The following GABRA3 variants were observed in gnomAD, a reference collection of about 807,000 sequenced individuals.
GABRA3 encodes the protein gamma-aminobutyric acid type A receptor subunit alpha3, also known as gamma-aminobutyric acid receptor subunit alpha-3.
A neutral mutation model predicts 30.1 loss-of-function variants in GABRA3; 10 were observed. The observed-to-expected ratio is 0.33, with a 90% CI of 0.20 to 0.56. The LOEUF is 0.56. Ranked by LOEUF, GABRA3 falls within the 20% of genes least tolerant of loss-of-function variation. The pLI, the probability that GABRA3 is intolerant of heterozygous loss-of-function variation, is 0.89. For synonymous variants in GABRA3, 151 were observed against 146.8 expected, an observed-to-expected ratio of 1.03 and a Z score of -0.21; for missense variants, 233 against 392.0, an observed-to-expected ratio of 0.59 and a Z score of 3.42.
chrX:152,354,331 G>A (rs1391765341), intron 2 of GABRA3, among the ~76,000 whole-genome samples: 1 of 111,290 alleles, frequency 9.0e-6, no homozygotes, highest in East Asian at 2.8e-4. Flanking sequence ...TAGCTATCAG[G>A]TCTGTTATAA....
chrX:152,195,955 G>A (rs913444215), intron 8 of GABRA3, among the ~76,000 whole-genome samples: 1 of 110,892 alleles, frequency 9.0e-6, no homozygotes, highest in African/African-American at 3.3e-5. Context: ...CCAAGACCAG[G>A]AGTCCATCTG....
chrX:152,415,125 C>A (rs1799829839), intron 1 of GABRA3, among the ~76,000 whole-genome samples: 1 of 110,859 alleles, frequency 9.0e-6, no homozygotes, highest in Admixed American at 9.7e-5. Context: ...CAGAACTGTG[C>A]AACACAGAGT....
At chrX:152,183,372 T>G (rs775566889) in intron 9 of GABRA3, among the ~76,000 whole-genome samples, 2 of 111,251 alleles carry the variant, frequency 1.8e-5, no homozygotes, top group African/African-American at 3.3e-5. Context: ...TCTGTTATGA[T>G]TCTTTGTTTT....
At chrX:152,174,581 A>G (rs887908185) in intron 9 of GABRA3, among the ~76,000 whole-genome samples, 5 of 111,962 alleles carry the variant, frequency 4.5e-5, no homozygotes, top group Non-Finnish European at 9.4e-5. Context: ...TGGCTGCATA[A>G]ATGTCTTCTT....
intron 1 of GABRA3, among the ~76,000 whole-genome samples, chrX:152,394,723 C>T (rs1440030499): frequency 8.9e-6 from 1 of 111,976 alleles, no homozygotes; most frequent in Non-Finnish European, 1.9e-5. Flanking sequence ...AGCACAAATT[C>T]ATTATGTATG....
chrX:152,311,708 G>A (rs998226968), intron 3 of GABRA3, among the ~76,000 whole-genome samples: 2 of 110,939 alleles, frequency 1.8e-5, no homozygotes, highest in East Asian at 2.8e-4. Flanking sequence ...TAGAGCAATC[G>A]GGCAAAAGAA....
intron 1 of GABRA3, among the ~76,000 whole-genome samples, chrX:152,365,239 C>T (rs772778843): frequency 3.6e-5 from 4 of 111,405 alleles, no homozygotes; most frequent in Non-Finnish European, 5.7e-5. Flanking sequence ...TGAGAAAATA[C>T]TGAATAATGA....
chrX:152,210,401 T>C (rs972752353), intron 6 of GABRA3, among the ~76,000 whole-genome samples: 2 of 112,018 alleles, frequency 1.8e-5, no homozygotes, highest in Non-Finnish European at 3.8e-5. Context: ...TGGGAGCTCT[T>C]AATTCTCTTG....
intron 5 of GABRA3, among the ~76,000 whole-genome samples, chrX:152,229,375 CCT>C (rs895878796): frequency 9.0e-6 from 1 of 110,806 alleles, no homozygotes. Flanking sequence ...CCTTTTTGGC[CCT>C]GCATCTGCAC....
At chrX:152,363,252 T>C (rs1928560415) in intron 2 of GABRA3, among the ~76,000 whole-genome samples, 1 of 112,016 alleles carries the variant, frequency 8.9e-6, no homozygotes, top group South Asian at 3.7e-4. Flanking sequence ...ACCTGTGTAG[T>C]ATTGTGGAAA....
intron 5 of GABRA3, among the ~76,000 whole-genome samples, chrX:152,225,612 A>G (rs902932386): frequency 2.7e-5 from 3 of 110,578 alleles, no homozygotes; most frequent in African/African-American, 6.6e-5. Flanking sequence ...GGTGTATGAC[A>G]TGTTTACATA....
intron 9 of GABRA3, among the ~76,000 whole-genome samples, chrX:152,173,284 G>T (rs1937027899): frequency 9.1e-6 from 1 of 110,054 alleles, no homozygotes; most frequent in South Asian, 3.9e-4. Context: ...GAATTTCTCA[G>T]GTCCAGATCA....
At chrX:152,292,317 G>A (rs1939435819) in intron 3 of GABRA3, among the ~76,000 whole-genome samples, 1 of 111,875 alleles carries the variant, frequency 8.9e-6, no homozygotes. Flanking sequence ...GGTGTTTATT[G>A]TATTCTCTGA....
At chrX:152,383,388 C>CAAAAAAAAAAAA (rs34736587) in intron 1 of GABRA3, among the ~76,000 whole-genome samples, 56 of 35,356 alleles carry the variant, frequency 1.6e-3, no homozygotes, top group African/African-American at 2.1e-3. Context: ...GACTCCATCT[C>CAAAAAAAAAAAA]AAAAAAAAAA....
At chrX:152,359,016 A>C (rs984677673) in intron 2 of GABRA3, among the ~76,000 whole-genome samples, 1 of 111,487 alleles carries the variant, frequency 9.0e-6, no homozygotes, top group Non-Finnish European at 1.9e-5. Context: ...ATAGGCCACA[A>C]GTTTTCTTTT....
chrX:152,301,149 G>C (rs770963807), intron 3 of GABRA3, among the ~76,000 whole-genome samples: 1 of 111,892 alleles, frequency 8.9e-6, no homozygotes, highest in Admixed American at 9.5e-5. Flanking sequence ...ATTCTATATA[G>C]GGGAGCAATA....
intron 1 of GABRA3, among the ~76,000 whole-genome samples, chrX:152,423,986 A>G (rs777812963): frequency 6.3e-5 from 7 of 111,785 alleles, no homozygotes; most frequent in Non-Finnish European, 1.1e-4. Flanking sequence ...GATAACTAAT[A>G]TATTAATTTG....
At chrX:152,432,603 C>A (rs1602727559) in intron 1 of GABRA3, among the ~76,000 whole-genome samples, 1 of 110,698 alleles carries the variant, frequency 9.0e-6, no homozygotes, top group Admixed American at 9.6e-5. Flanking sequence ...AACCAGGAGG[C>A]TAAACATCAA....
chrX:152,330,664 A>G (rs1286817145), intron 3 of GABRA3, among the ~76,000 whole-genome samples: 1 of 99,296 alleles, frequency 1.0e-5, no homozygotes, highest in East Asian at 3.6e-4. Context: ...ACACTTGGAC[A>G]CAGCGTGGAG....
Sources: gnomAD v4.1 joint callset for allele counts (sites outside exome capture counted in the v4.1 genomes callset) on GRCh38, gnomAD v4.1.1 for gene constraint, MANE v1.5 for transcripts, NCBI Gene and HGNC (gene_info 2026-07-23, HGNC 2026-07-21) for gene names.